The following HORMAD2 variants were observed in gnomAD, a reference collection of about 807,000 sequenced individuals.
HORMAD2 encodes the protein HORMA domain-containing protein 2.
HORMAD2 carries 45 observed loss-of-function variants against 38.8 expected under a neutral mutation model. The observed-to-expected ratio is 1.16, with a 90% CI of 0.91 to 1.49. HORMAD2 has a LOEUF of 1.49. Among genes scored for constraint, HORMAD2 ranks in the 40% most tolerant of loss-of-function variants. The pLI is 0.00. For missense variants in HORMAD2, 338 were observed against 367.0 expected, an observed-to-expected ratio of 0.92 and a Z score of 0.65; for synonymous variants, 126 against 122.8, an observed-to-expected ratio of 1.03 and a Z score of -0.17.
chr22:30,112,341 C>T (rs1921725902), intron 6 of HORMAD2, among the ~76,000 whole-genome samples, 155 bp from the exon 7 acceptor site: 1 of 152,072 alleles, frequency 6.6e-6, no homozygotes, highest in Non-Finnish European at 1.5e-5. Context: ...AAAGACTCTA[C>T]ATTCACAAAA....
At chr22:30,144,797 C>T (rs751267052) in intron 10 of HORMAD2, among the ~76,000 whole-genome samples, 20 of 151,782 alleles carry the variant, frequency 1.3e-4, no homozygotes, top group Admixed American at 2.6e-4. Flanking sequence ...GGTACTGTAT[C>T]CTACACAAAA....
intron 10 of HORMAD2, among the ~76,000 whole-genome samples, chr22:30,161,011 C>T (rs1338582875): frequency 6.6e-6 from 1 of 152,094 alleles, no homozygotes; most frequent in Non-Finnish European, 1.5e-5. Context: ...AATTTAGGGC[C>T]AATTTAAAGT....
chr22:30,204,975 T>A, the HORMAD2 span, among the ~76,000 whole-genome samples: 229 of 152,322 alleles, frequency 1.5e-3, 1 homozygote, highest in Non-Finnish European at 1.5e-3. Flanking sequence ...AGCTTCCTCC[T>A]GGAGCCGGCC....
chr22:30,141,279 T>C (rs574246437), intron 10 of HORMAD2, among the ~76,000 whole-genome samples: 26 of 152,346 alleles, frequency 1.7e-4, no homozygotes, highest in African/African-American at 5.3e-4. Context: ...ATTACAGGCA[T>C]GAGCCACCTC....
intron 1 of HORMAD2, among the ~76,000 whole-genome samples, chr22:30,088,820 A>G (rs1384617934): frequency 1.3e-5 from 2 of 151,974 alleles, no homozygotes; most frequent in Non-Finnish European, 2.9e-5. Context: ...ACTAATAACT[A>G]CCCCAGTAGT....
chr22:30,133,671 C>T (rs1923440599), intron 10 of HORMAD2, among the ~76,000 whole-genome samples: 1 of 151,504 alleles, frequency 6.6e-6, no homozygotes. Context: ...TGATTGGGTC[C>T]GTACTGAACA....
At chr22:30,111,850 G>T in intron 6 of HORMAD2, 34 bp downstream of exon 6, 1 of 1,529,940 alleles carries the variant, frequency 6.5e-7, no homozygotes, top group South Asian at 1.2e-5. Context: ...CCAAGCCTCT[G>T]TCTCTATTTC....
chr22:30,189,344 A>T, the HORMAD2 span, among the ~76,000 whole-genome samples: 1 of 152,092 alleles, frequency 6.6e-6, no homozygotes, highest in African/African-American at 2.4e-5. Context: ...GGATCTGGGG[A>T]CCAGTGAGTA....
chr22:30,205,594 A>G, the HORMAD2 span, among the ~76,000 whole-genome samples: 2 of 152,154 alleles, frequency 1.3e-5, no homozygotes, highest in Non-Finnish European at 2.9e-5. Context: ...AGACAGCTGG[A>G]AGGCAGGGCT....
At chr22:30,109,603 C>T (rs1921475448) in intron 5 of HORMAD2, among the ~76,000 whole-genome samples, 1 of 152,186 alleles carries the variant, frequency 6.6e-6, no homozygotes, top group South Asian at 2.1e-4. Context: ...AGGCAAGAAC[C>T]ACTGTGACTG....
chr22:30,151,549 T>A (rs1924751055), intron 10 of HORMAD2, among the ~76,000 whole-genome samples: 1 of 152,180 alleles, frequency 6.6e-6, no homozygotes, highest in African/African-American at 2.4e-5. Flanking sequence ...TATAAAACTA[T>A]ATTTGAAGAA....
chr22:30,089,520 T>G (rs1291220626), intron 1 of HORMAD2, among the ~76,000 whole-genome samples: 2 of 152,034 alleles, frequency 1.3e-5, no homozygotes, highest in East Asian at 1.9e-4. Flanking sequence ...GCCTGTCTAA[T>G]TTTTGTATTT....
At chr22:30,164,249 G>A (rs1925636824) in intron 10 of HORMAD2, among the ~76,000 whole-genome samples, 1 of 152,190 alleles carries the variant, frequency 6.6e-6, no homozygotes, top group Non-Finnish European at 1.5e-5. Flanking sequence ...GAATAACGCT[G>A]CTATGAACAT....
At position 30,102,503 on chromosome 22, in the gene HORMAD2, A is replaced by G. The variant is rs577513747; in HGVS notation, c.194-934A>G. 2.0e-5 allele frequency among the ~76,000 whole-genome samples: 3 copies of G among 152,344 alleles called. No individual in the cohort carries two copies. The East Asian group carries it at 5.8e-4, about 29-fold the overall frequency. On this transcript the variant is annotated intron_variant, in intron 3 of 10. Coordinates refer to ENST00000336726, the MANE Select transcript of HORMAD2 (RefSeq NM_152510.4). ...TATATCAACATGGGATAATTTTCAT[A>G]TCCCTCAATAGAGATACAGGTAACA...
chr22:30,125,258 C>G (rs1361944635), intron 10 of HORMAD2, among the ~76,000 whole-genome samples: 1 of 36,158 alleles, frequency 2.8e-5, no homozygotes, highest in Non-Finnish European at 4.2e-5. Flanking sequence ...AGAGTTTCCT[C>G]TTGTTGCCCA....
At chr22:30,085,699 A>C (rs2146054371) in intron 1 of HORMAD2, among the ~76,000 whole-genome samples, 1 of 152,338 alleles carries the variant, frequency 6.6e-6, no homozygotes, top group Admixed American at 6.5e-5. Flanking sequence ...GGTTGCAGTA[A>C]GCTGATATTA....
intron 3 of HORMAD2, among the ~76,000 whole-genome samples, chr22:30,102,186 T>C (rs992167430): frequency 5.3e-5 from 8 of 152,254 alleles, no homozygotes; most frequent in Admixed American, 4.6e-4. Context: ...CATCTTTTGG[T>C]CTATGAGATA....
intron 7 of HORMAD2, among the ~76,000 whole-genome samples, chr22:30,114,677 A>G (rs1352425968): frequency 2.0e-5 from 3 of 152,242 alleles, no homozygotes; most frequent in African/African-American, 4.8e-5. Context: ...AGACAGTTGG[A>G]TTAAAATTTG....
chr22:30,111,684 A>T, intron 5 of HORMAD2, 112 bp from the exon 6 acceptor site: 1 of 815,152 alleles, frequency 1.2e-6, no homozygotes, highest in Non-Finnish European at 1.9e-6. Flanking sequence ...TTTTTTTCCT[A>T]CCCAAATCTT....
Sources: gnomAD v4.1 joint callset for allele counts (sites outside exome capture counted in the v4.1 genomes callset) on GRCh38, gnomAD v4.1.1 for gene constraint, MANE v1.5 for transcripts, NCBI Gene and HGNC (gene_info 2026-07-23, HGNC 2026-07-21) for gene names.